Variants in SPTBN1 observed in about 807,000 individuals in gnomAD.
SPTBN1 encodes spectrin beta, non-erythrocytic 1.
SPTBN1 carries 32 observed loss-of-function variants against 266.4 expected under a neutral mutation model. The ratio of observed to expected loss-of-function variants is 0.12; its 90% confidence interval spans 0.09 to 0.16. SPTBN1 has a LOEUF of 0.16. Among genes scored for constraint, SPTBN1 ranks in the 10% least tolerant of loss-of-function variants. The probability of loss-of-function intolerance (pLI) is 1.00; values close to 1 mark genes in which losing one functional copy is unlikely to be tolerated. For missense variants in SPTBN1, 2,296 were observed against 3,067.1 expected (o/e 0.75, Z 5.94); for synonymous variants, 1,336 against 1,162.2 (o/e 1.15, Z -3.04).
intron 3 of SPTBN1, among the ~76,000 whole-genome samples, chr2:54,599,622 T>G (rs1033714713): frequency 6.6e-6 from 1 of 152,214 alleles, no homozygotes; most frequent in Admixed American, 6.5e-5. Context: ...TGTGTCTTTC[T>G]GGTTGTCTAG....
chr2:54,480,879 C>G (rs182454777), intron 1 of SPTBN1, among the ~76,000 whole-genome samples: 2 of 152,018 alleles, frequency 1.3e-5, no homozygotes. Context: ...TTATTGAAGC[C>G]CTGGCCAGCT....
intron 4 of SPTBN1, among the ~76,000 whole-genome samples, chr2:54,614,671 C>G (rs2103817237): frequency 6.6e-6 from 1 of 152,014 alleles, no homozygotes; most frequent in South Asian, 2.1e-4. Context: ...GGTGTGGTGG[C>G]AGACACCTAT....
At chr2:54,568,777 G>A (rs569988355) in intron 2 of SPTBN1, among the ~76,000 whole-genome samples, 1 of 152,288 alleles carries the variant, frequency 6.6e-6, no homozygotes, top group Non-Finnish European at 1.5e-5. Context: ...TCAGCATGAT[G>A]TCCTGGGAAG....
chr2:54,512,607 C>G (rs1473860045), intron 1 of SPTBN1, among the ~76,000 whole-genome samples: 2 of 152,134 alleles, frequency 1.3e-5, no homozygotes, highest in Non-Finnish European at 2.9e-5. Flanking sequence ...TTACTGCAAT[C>G]CTATCCAAAT....
chr2:54,668,297 A>G, intron 35 of SPTBN1, 54 bp from the exon 36 acceptor site: 1 of 1,572,776 alleles, frequency 6.4e-7, no homozygotes, highest in East Asian at 2.3e-5. Flanking sequence ...TGGAGCCAGA[A>G]CCCCTCATGC....
intron 2 of SPTBN1, among the ~76,000 whole-genome samples, chr2:54,552,138 A>G (rs1348512030): frequency 6.6e-6 from 1 of 152,176 alleles, no homozygotes; most frequent in Non-Finnish European, 1.5e-5. Flanking sequence ...TTCCCAGCCT[A>G]AGTTCTGTGA....
intron 1 of SPTBN1, among the ~76,000 whole-genome samples, chr2:54,495,378 T>C (rs949623091): frequency 6.6e-6 from 1 of 152,190 alleles, no homozygotes; most frequent in Non-Finnish European, 1.5e-5. Flanking sequence ...CAAATCTGTT[T>C]AAATCATATT....
Position 54,554,019 on chromosome 2 carries a change from T to C in SPTBN1, c.148+27453T>C, listed in dbSNP as rs1672725893. Among the ~76,000 whole-genome samples, 1 of 152,124 alleles carries C rather than the reference T, an allele frequency of 6.6e-6. No homozygotes were observed. Among genetic ancestry groups the C allele is most frequent in the Non-Finnish European group, 1.5e-5 (1 of 68,020 alleles). On this transcript the variant is annotated intron_variant, in intron 2 of 35. Transcript: ENST00000356805. This position sits in a 1 kb window ranked among gnomAD's most constrained non-coding sequence, Gnocchi z 4.5. ...CCAAACAAGACCTAATAAAACCCAC[T>C]CAGAACCACAGAACACTTCAAGCAG...
Position 54,659,362 on chromosome 2 carries a change from C to T in SPTBN1, c.6356+96C>T, listed in dbSNP as rs538630151. The T allele has an allele frequency of 1.0e-5, 12 of 1,169,102 alleles. No homozygotes were observed. The East Asian group carries it at 2.1e-4, about 21-fold the overall frequency. The allele number at this position is 1,169,102 out of a possible 1,614,324, so 72.4% of individuals were successfully genotyped here. A position where few individuals can be genotyped will look rare whatever the true frequency, so the allele number is the denominator to read the frequency against. On this transcript the variant is annotated intron_variant, in intron 31 of 35. Coordinates refer to ENST00000356805, the MANE Select transcript of SPTBN1 (RefSeq NM_003128.3). ...TGAAGCCTTGCATTGCTAGGCCTAA[C>T]CACATGCCCTGCCTACTGATTGCTT...
At chr2:54,613,216 G>A (rs971890004) in intron 4 of SPTBN1, among the ~76,000 whole-genome samples, 1 of 152,168 alleles carries the variant, frequency 6.6e-6, no homozygotes, top group Non-Finnish European at 1.5e-5. Flanking sequence ...ATAGTGTCAG[G>A]TTTCTCTGCG....
rs764315673 is a variant in SPTBN1 at position 54,612,316 on chromosome 2, C to T, written c.456C>T (p.Thr152=). 6.2e-7 allele frequency: 1 copy of T among 1,612,836 alleles called. No individual in the cohort carries two copies. Among genetic ancestry groups the T allele is most frequent in the South Asian group, 1.1e-5 (1 of 90,950 alleles). Reference sequence around the variant, plus strand: ...GGCTGACCCTTGGCCTCATCTGGACCATCATCCTGCGCTTCCAGGTAAGGG... The same window carrying T: ...GGCTGACCCTTGGCCTCATCTGGACTATCATCCTGCGCTTCCAGGTAAGGG... The part of the protein sequence containing the change: ...NHRLTLGLIW[T]IILRFQIQDI... The change falls in exon 4 of 36, where the codon ACC becomes ACT. Residue 152 remains threonine, a synonymous_variant. Coordinates refer to ENST00000356805, the MANE Select transcript of SPTBN1 (RefSeq NM_003128.3).
intron 2 of SPTBN1, among the ~76,000 whole-genome samples, chr2:54,593,746 C>A (rs73934494): frequency 0.021 from 3,218 of 150,428 alleles, 134 homozygotes; most frequent in African/African-American, 0.074. Context: ...ATGCAGCAGA[C>A]CCTTTACAAA....
intron 1 of SPTBN1, among the ~76,000 whole-genome samples, chr2:54,525,339 C>T (rs995227857): frequency 1.3e-5 from 2 of 151,914 alleles, no homozygotes; most frequent in African/African-American, 4.8e-5. Flanking sequence ...TCCGGCTCCT[C>T]GGTTCAAGCA....
chr2:54,596,270 C>T (rs535765397), intron 2 of SPTBN1, among the ~76,000 whole-genome samples: 14 of 152,294 alleles, frequency 9.2e-5, no homozygotes, highest in African/African-American at 3.1e-4. Context: ...ATTGTGCCTT[C>T]CCAGGATAGG....
chr2:54,626,307 A>G lies in SPTBN1; in HGVS notation c.1644+73A>G. Reference sequence around the variant, plus strand: ...CTCTCTTTTCTGTGACTCATTCACTAAACCCCTACGTACAGCTGTGTGCCT... The same window carrying G: ...CTCTCTTTTCTGTGACTCATTCACTGAACCCCTACGTACAGCTGTGTGCCT... On this transcript the variant is annotated intron_variant, in intron 12 of 35. Coordinates refer to ENST00000356805, the MANE Select transcript of SPTBN1 (RefSeq NM_003128.3). The surrounding 1 kb of genome is among the most constrained non-coding windows in gnomAD (Gnocchi z 4.7). 1 of 1,510,858 alleles carries G rather than the reference A, an allele frequency of 6.6e-7. No homozygotes were observed. Among genetic ancestry groups the G allele is most frequent in the Non-Finnish European group, 8.9e-7 (1 of 1,123,064 alleles). The allele number at this position is 1,510,858 out of a possible 1,614,324, so 93.6% of individuals were successfully genotyped here.
rs1273983525 is a variant in SPTBN1, at chr2:54,661,053, TG to T, written c.6420+1056del. 4 of 985,330 alleles carry T rather than the reference TG, an allele frequency of 4.1e-6. No homozygotes were observed. The East Asian group carries it at 4.5e-4, about 112-fold the overall frequency. 61.0% of individuals were successfully genotyped at this position (985,330 alleles called of 1,614,324 possible). Reference sequence around the variant, plus strand: ...TGCCTGGGAGCGCTCGCATGCCCCCTGGCTTCAGAAGTCATGTCAGTGTCTC... The same window carrying T: ...TGCCTGGGAGCGCTCGCATGCCCCCTGCTTCAGAAGTCATGTCAGTGTCTC... On this transcript the variant is annotated intron_variant, in intron 32 of 35. Transcript: ENST00000356805.
intron 1 of SPTBN1, among the ~76,000 whole-genome samples, chr2:54,493,352 G>T (rs1241702393): frequency 6.7e-6 from 1 of 148,880 alleles, no homozygotes; most frequent in African/African-American, 2.5e-5. Context: ...ATTTCCTTCT[G>T]TGTTCTGGGT....
At chr2:54,509,956 CTTT>C (rs5831312) in intron 1 of SPTBN1, among the ~76,000 whole-genome samples, 29 of 131,592 alleles carry the variant, frequency 2.2e-4, no homozygotes, top group Non-Finnish European at 2.7e-4. Flanking sequence ...TGCTTTCTTT[CTTT>C]TTTTTTTTTT....
At chr2:54,581,273 A>G (rs181563863) in intron 2 of SPTBN1, among the ~76,000 whole-genome samples, 1 of 152,340 alleles carries the variant, frequency 6.6e-6, no homozygotes, top group Admixed American at 6.5e-5. Context: ...GGGGTTGTGC[A>G]TAATCATCAA....
Sources: gnomAD v4.1 joint callset for allele counts (sites outside exome capture counted in the v4.1 genomes callset) on GRCh38, gnomAD v4.1.1 for gene constraint, Gnocchi (gnomAD v3.1) non-coding constraint, MANE v1.5 for transcripts, NCBI Gene and HGNC (gene_info 2026-07-23, HGNC 2026-07-21) for gene names.